Variants in DNAJB8 observed in about 807,000 individuals in gnomAD.
DNAJB8 encodes DnaJ heat shock protein family (Hsp40) member B8.
For missense variants in DNAJB8, 354 were observed against 318.9 expected (o/e 1.11, Z -0.84); for synonymous variants, 127 against 127.1 (o/e 1.00, Z 0.00).
In DNAJB8 at chr3:128,463,056, G is replaced by A. The variant is rs2068481047; in HGVS notation, c.190C>T (p.Leu64=). Residue 64 remains leucine (L), a synonymous_variant, in exon 3 of 3, where the codon CTG becomes TTG. Coordinates refer to ENST00000319153, the MANE Select transcript of DNAJB8 (RefSeq NM_153330.6). ...EVLSDSKKRS[L]YDRAGCDSWR... The stretch of plus-strand genomic sequence containing the variant: ...CTGTCACAGCCAGCACGGTCATACA[G>A]GGAGCGTTTCTTGGAGTCAGACAGA... 1 of 1,614,126 alleles carries A rather than the reference G, an allele frequency of 6.2e-7. No individual in the cohort carries two copies. Among genetic ancestry groups the A allele is most frequent in the South Asian group, 1.1e-5 (1 of 91,092 alleles).
At position 128,463,174 on chromosome 3, in the gene DNAJB8, G is replaced by T; in HGVS notation, c.72C>A (p.Arg24=). The change falls in exon 3 of 3, where the codon CGC becomes CGA. Residue 24 remains arginine (R), a synonymous_variant. Coordinates refer to ENST00000319153, the MANE Select transcript of DNAJB8 (RefSeq NM_153330.6). The stretch of plus-strand genomic sequence containing the variant: ...CGGGGTGCCAACGAAGGGCCAGCTT[G>T]CGGTAGGCTTTCTTGATGTCCTCCG... ...ASPEDIKKAY[R]KLALRWHPDK... 3.7e-6 allele frequency: 6 copies of T among 1,614,168 alleles called. No homozygotes were observed. The highest frequency in any genetic ancestry group is 5.1e-6 in the Non-Finnish European group (6 of 1,180,028).
chr3:128,465,628 G>C (rs1199159897), intron 1 of DNAJB8, 192 bp from the exon 2 acceptor site: 1 of 152,594 alleles, frequency 6.6e-6, no homozygotes, highest in Admixed American at 6.5e-5. Context: ...GTCATGGTGG[G>C]TGTGAGGGGG....
In DNAJB8 at chr3:128,463,343, G is replaced by T; in HGVS notation, c.-98C>A. ...ACGGGGGAGAAGTGGCCGGTGGTCTGGGGCCCTTCAGCAGGGGCCTGGCTG... is the reference window on the plus strand; with the variant it reads ...ACGGGGGAGAAGTGGCCGGTGGTCTTGGGCCCTTCAGCAGGGGCCTGGCTG... On this transcript the variant is annotated 5_prime_UTR_variant, in exon 3 of 3. Transcript: ENST00000319153. 8.8e-7 allele frequency: 1 copy of T among 1,142,256 alleles called. No homozygotes were observed. Among genetic ancestry groups the T allele is most frequent in the Non-Finnish European group, 1.3e-6 (1 of 798,032 alleles). 70.8% of individuals were successfully genotyped at this position (1,142,256 alleles called of 1,614,324 possible).
rs758063580 is a variant in DNAJB8, at chr3:128,462,957, C to T, written c.289G>A (p.Glu97Lys). ...FDTGYTFRNP[E>K]DIFREFFGGL... is the part of the protein sequence containing the mutation. ...CCAAAAAACTCCCGGAAGATGTCCT[C>T]AGGGTTACGGAAGGTGTAGCCGGTG... is the stretch of plus-strand genomic sequence containing the variant. The change falls in exon 3 of 3, where the codon GAG becomes AAG. Residue 97 changes from glutamate (E) to lysine (K), a missense_variant. Physicochemically the swap from Glu to Lys is moderately conservative, Grantham distance 56. Coordinates refer to ENST00000319153, the MANE Select transcript of DNAJB8 (RefSeq NM_153330.6). The T allele has an allele frequency of 1.2e-6, 2 of 1,614,138 alleles. No individual in the cohort carries two copies. The highest frequency in any genetic ancestry group is 2.2e-5 in the South Asian group (2 of 91,072).
At position 128,463,500 on chromosome 3, in the gene DNAJB8, C is replaced by T; in HGVS notation, c.-255G>A. 2.5e-6 allele frequency: 1 copy of T among 401,156 alleles called. No individual in the cohort carries two copies. Among genetic ancestry groups the T allele is most frequent in the Non-Finnish European group, 4.6e-6 (1 of 215,922 alleles). 24.8% of individuals were successfully genotyped at this position (401,156 alleles called of 1,614,324 possible). ...GGACACTGCCGCTGTGGGGCCAGGCCAGAGTGGGCTGCCCTCCAGAGCTCC... is the reference window on the plus strand; with the variant it reads ...GGACACTGCCGCTGTGGGGCCAGGCTAGAGTGGGCTGCCCTCCAGAGCTCC... On this transcript the variant is annotated 5_prime_UTR_variant, in exon 3 of 3. The change creates a premature stop within an existing upstream ORF in the 5' untranslated region. Transcript: ENST00000319153.
At position 128,465,344 on chromosome 3, in the gene DNAJB8, A is replaced by T. The variant is rs2068504540; in HGVS notation, c.-934T>A. On this transcript the variant is annotated 5_prime_UTR_variant, in exon 2 of 3. Transcript: ENST00000319153. Reference sequence around the variant, plus strand: ...CAGAACTTCTCCACTGGATGTAGCTACAGATGAACCTGATTCTTTATCTCT... The same window carrying T: ...CAGAACTTCTCCACTGGATGTAGCTTCAGATGAACCTGATTCTTTATCTCT... 6.6e-6 allele frequency: 1 copy of T among 152,252 alleles called. No homozygotes were observed. The highest frequency in any genetic ancestry group is 2.1e-4 in the South Asian group (1 of 4,826). 9.4% of individuals were successfully genotyped at this position (152,252 alleles called of 1,614,324 possible). A position where few individuals can be genotyped will look rare whatever the true frequency, so the allele number is the denominator to read the frequency against.
In DNAJB8 at chr3:128,462,581, C is replaced by A. The variant is rs750876122; in HGVS notation, c.665G>T (p.Gly222Val). ...GTCCATCCATTTGAGCTGCTCCTTG[C>A]CGTTCACAGTCACCGACTTGAGCTG... is the stretch of plus-strand genomic sequence containing the variant. ...DGQLKSVTVNGKEQLKWMDSK is the reference protein window; with the variant it reads ...DGQLKSVTVNVKEQLKWMDSK The change falls in exon 3 of 3, where the codon GGC (glycine) becomes GTC (valine). Residue 222 changes from glycine (G) to valine (V), a missense_variant. By Grantham distance (109) the Gly-to-Val change is moderately radical. Transcript: ENST00000319153. The A allele has an allele frequency of 4.3e-6, 7 of 1,612,074 alleles. No homozygotes were observed. Among genetic ancestry groups the A allele is most frequent in the Non-Finnish European group, 5.9e-6 (7 of 1,178,492 alleles).
At position 128,462,745 on chromosome 3, in the gene DNAJB8, G is replaced by A. The variant is rs1422484292; in HGVS notation, c.501C>T (p.Thr167=). The A allele has an allele frequency of 6.2e-7, 1 of 1,614,060 alleles. No individual in the cohort carries two copies. Among genetic ancestry groups the A allele is most frequent in the Non-Finnish European group, 8.5e-7 (1 of 1,180,064 alleles). ...SGGSHTTFSS[T]SFGGSSSGSS... ...TGCCAGAACTGGAGCCCCCGAAGGAGGTGGATGAGAAGGTGGTGTGGCTGC... is the reference window on the plus strand; with the variant it reads ...TGCCAGAACTGGAGCCCCCGAAGGAAGTGGATGAGAAGGTGGTGTGGCTGC... The change falls in exon 3 of 3, where the codon ACC becomes ACT. Residue 167 remains threonine, a synonymous_variant. Coordinates refer to ENST00000319153, the MANE Select transcript of DNAJB8 (RefSeq NM_153330.6).
rs766654127 is a variant in DNAJB8, at chr3:128,462,935, A to G, written c.311T>C (p.Phe104Ser). 3 of 1,613,934 alleles carry G rather than the reference A, an allele frequency of 1.9e-6. No homozygotes were observed. Among genetic ancestry groups the G allele is most frequent in the Non-Finnish European group, 2.5e-6 (3 of 1,179,834 alleles). ...AAAGGAGAAAGGGTCCAGGCCACCA[A>G]AAAACTCCCGGAAGATGTCCTCAGG... The part of the protein sequence containing the change: ...RNPEDIFREF[F>S]GGLDPFSFEF... The change falls in exon 3 of 3, where the codon TTT (phenylalanine) becomes TCT (serine). Residue 104 changes from phenylalanine to serine, a missense_variant. Phe to Ser is a radical substitution (Grantham distance 155). Transcript: ENST00000319153.
At position 128,465,353 on chromosome 3, in the gene DNAJB8, C is replaced by A. The variant is rs2068504622; in HGVS notation, c.-943G>T. On this transcript the variant is annotated 5_prime_UTR_variant, in exon 2 of 3. Transcript: ENST00000319153. ...TCCACTGGATGTAGCTACAGATGAA[C>A]CTGATTCTTTATCTCTGTGGCTGGA... The A allele has an allele frequency of 6.6e-6, 1 of 152,258 alleles. No homozygotes were observed. The highest frequency in any genetic ancestry group is 1.5e-5 in the Non-Finnish European group (1 of 68,054). 9.4% of individuals were successfully genotyped at this position (152,258 alleles called of 1,614,324 possible). A position where few individuals can be genotyped will look rare whatever the true frequency, so the allele number is the denominator to read the frequency against.
In DNAJB8 at chr3:128,463,009, GGCCCCGCCACCAGCCC is replaced by G; in HGVS notation, c.221_236del (p.Arg74ProfsTer52). ...CGAAGGGGCTGTGGTAGGGCGTGCTGGCCCCGCCACCAGCCCGCCAGCTGTCACAGCCAGCACGGTC... is the reference window on the plus strand; with the variant it reads ...CGAAGGGGCTGTGGTAGGGCGTGCTGGCCAGCTGTCACAGCCAGCACGGTC... On this transcript the variant is annotated frameshift_variant, in exon 3 of 3. Coordinates refer to ENST00000319153, the MANE Select transcript of DNAJB8 (RefSeq NM_153330.6). LOFTEE classifies it low-confidence loss of function (END_TRUNC). 13 of 1,614,200 alleles carry G rather than the reference GGCCCCGCCACCAGCCC, an allele frequency of 8.1e-6. No individual in the cohort carries two copies. Among genetic ancestry groups the G allele is most frequent in the Non-Finnish European group, 1.1e-5 (13 of 1,180,024 alleles).
rs535630178 is a variant in DNAJB8, at chr3:128,463,400, A to G, written c.-155T>C. On this transcript the variant is annotated 5_prime_UTR_variant, in exon 3 of 3. Transcript: ENST00000319153. ...GCAAGCTCTAGGCAAGATTCTGCCC[A>G]GGAGTTCACCTTTTCGTAGTACCAA... is the stretch of plus-strand genomic sequence containing the variant. 5 of 649,114 alleles carry G rather than the reference A, an allele frequency of 7.7e-6. No individual in the cohort carries two copies. The highest frequency in any genetic ancestry group is 6.5e-5 in the South Asian group (3 of 46,472). The allele number at this position is 649,114 out of a possible 1,614,324, so 40.2% of individuals were successfully genotyped here. A position where few individuals can be genotyped will look rare whatever the true frequency, so the allele number is the denominator to read the frequency against.
Position 128,462,720 on chromosome 3 carries a change from T to C in DNAJB8, c.526A>G (p.Ser176Gly), listed in dbSNP as rs1038560766. The change falls in exon 3 of 3, where the codon AGC (serine) becomes GGC (glycine). Residue 176 changes from serine (S) to glycine (G), a missense_variant. By Grantham distance (56) the Ser-to-Gly change is moderately conservative. Transcript: ENST00000319153. The stretch of plus-strand genomic sequence containing the variant: ...GACATCACCGACTTGAACCCCGAGC[T>C]GCCAGAACTGGAGCCCCCGAAGGAG... ...STSFGGSSSG[S>G]SGFKSVMSST... 6.2e-6 allele frequency: 10 copies of C among 1,613,974 alleles called. No individual in the cohort carries two copies. The highest frequency in any genetic ancestry group is 8.5e-7 in the Non-Finnish European group (1 of 1,180,038).
intron 1 of DNAJB8, chr3:128,465,646 T>C (rs1314735348): frequency 6.6e-6 from 1 of 152,234 alleles, no homozygotes; most frequent in African/African-American, 2.4e-5. Flanking sequence ...GGGAGAGTAA[T>C]TATGGGTGAT....
In DNAJB8 at chr3:128,463,007, C is replaced by T; in HGVS notation, c.239G>A (p.Ser80Asn). 6.2e-7 allele frequency: 1 copy of T among 1,614,166 alleles called. No individual in the cohort carries two copies. The highest frequency in any genetic ancestry group is 8.5e-7 in the Non-Finnish European group (1 of 1,180,010). Residue 80 changes from serine to asparagine, a missense_variant, in exon 3 of 3, where the codon AGC (serine) becomes AAC (asparagine). Transcript: ENST00000319153. Reference protein sequence around the residue: ...CDSWRAGGGASTPYHSPFDTG... With the variant: ...CDSWRAGGGANTPYHSPFDTG... ...GTCGAAGGGGCTGTGGTAGGGCGTG[C>T]TGGCCCCGCCACCAGCCCGCCAGCT...
At position 128,462,843 on chromosome 3, in the gene DNAJB8, A is replaced by G. The variant is rs764723777; in HGVS notation, c.403T>C (p.Ser135Pro). 1.3e-5 allele frequency: 21 copies of G among 1,614,148 alleles called. No homozygotes were observed. The South Asian group carries it at 2.3e-4, about 18-fold the overall frequency. ...GCCGGAAATTCTCCAAAGCCTGCCG[A>G]GAAGGCCCCCCTCAGGCCATGGCCC... is the stretch of plus-strand genomic sequence containing the variant. ...GRGHGLRGAF[S>P]AGFGEFPAFM... The change falls in exon 3 of 3, where the codon TCG becomes CCG. Residue 135 changes from serine to proline, a missense_variant. Ser to Pro is a moderately conservative substitution (Grantham distance 74). Coordinates refer to ENST00000319153, the MANE Select transcript of DNAJB8 (RefSeq NM_153330.6).
chr3:128,463,228 T>C lies in DNAJB8; in HGVS notation c.18A>G (p.Glu6=), dbSNP rs13326637. The C allele has an allele frequency of 2.6e-3, 4,245 of 1,612,514 alleles. 85 individuals are homozygous for C. In the African/African-American group the frequency reaches 0.048, roughly 18 times the overall value. ...AAGCGCTGGCCTGCACGCCCAGCAC[T>C]TCGTAGTAGTTAGCCATGGCCAGGG... MANYY[E]VLGVQASASP... Residue 6 remains glutamate (E), a synonymous_variant, in exon 3 of 3, where the codon GAA becomes GAG. Coordinates refer to ENST00000319153, the MANE Select transcript of DNAJB8 (RefSeq NM_153330.6).
Position 128,462,761 on chromosome 3 carries a change from G to T in DNAJB8, c.485C>A (p.Thr162Asn), listed in dbSNP as rs771814098. The change falls in exon 3 of 3, where the codon ACC (threonine) becomes AAC (asparagine). Residue 162 changes from threonine to asparagine, a missense_variant. Physicochemically the swap from Thr to Asn is moderately conservative, Grantham distance 65 (BLOSUM62 0). Coordinates refer to ENST00000319153, the MANE Select transcript of DNAJB8 (RefSeq NM_153330.6). ...CCCGAAGGAGGTGGATGAGAAGGTG[G>T]TGTGGCTGCCCCCGCTGCAGCCCAG... ...NMLGCSGGSH[T>N]TFSSTSFGGS... 1.4e-5 allele frequency: 22 copies of T among 1,614,038 alleles called. No homozygotes were observed. The highest frequency in any genetic ancestry group is 6.7e-5 in the Admixed American group (4 of 60,006).
rs1008082816 is a variant in DNAJB8, at chr3:128,463,271, G to A, written c.-26C>T. The stretch of plus-strand genomic sequence containing the variant: ...GGCCAGGGGTGTGGGTGAGAGGAGA[G>A]GGAACGTGGAGGCCAGGTGGGCGCA... On this transcript the variant is annotated 5_prime_UTR_variant, in exon 3 of 3. Coordinates refer to ENST00000319153, the MANE Select transcript of DNAJB8 (RefSeq NM_153330.6). 5.0e-6 allele frequency: 8 copies of A among 1,585,792 alleles called. No individual in the cohort carries two copies. The African/African-American group carries it at 5.4e-5, about 11-fold the overall frequency.
Sources: gnomAD v4.1 joint callset for allele counts on GRCh38, gnomAD v4.1.1 for gene constraint, MANE v1.5 for transcripts, NCBI Gene and HGNC (gene_info 2026-07-23, HGNC 2026-07-21) for gene names.